Variants in KIFC3 observed in about 807,000 individuals in gnomAD.
KIFC3 encodes the protein kinesin-like protein KIFC3.
A neutral mutation model predicts 101.8 loss-of-function variants in KIFC3; 60 were observed. The observed-to-expected ratio is 0.59, with a 90% CI of 0.48 to 0.73. The LOEUF (loss-of-function observed/expected upper bound fraction) is 0.73. Ranked by LOEUF, KIFC3 falls within the 30% of genes least tolerant of loss-of-function variation. KIFC3 has a pLI of 0.00. For synonymous variants in KIFC3, 476 were observed against 482.7 expected, an observed-to-expected ratio of 0.99 and a Z score of 0.18; for missense variants, 966 against 1,137.1, an observed-to-expected ratio of 0.85 and a Z score of 2.16.
chr16:57,803,732 A>G (rs2054862433), upstream of KIFC3, among the ~76,000 whole-genome samples: 3 of 152,234 alleles, frequency 2.0e-5, no homozygotes, highest in South Asian at 6.2e-4. Context: ...TCCTCAGTGA[A>G]GGCCTGATAG....
At chr16:57,770,847 GC>G (rs1411548768) in intron 6 of KIFC3, 147 bp from the exon 7 acceptor site, 1 of 732,940 alleles carries the variant, frequency 1.4e-6, no homozygotes, top group East Asian at 2.9e-5. Context: ...TGAGGTCCTG[GC>G]TTTCCAGAAA....
intron 1 of KIFC3, among the ~76,000 whole-genome samples, chr16:57,837,255 C>G (rs2055704634): frequency 6.6e-6 from 1 of 151,918 alleles, no homozygotes; most frequent in Non-Finnish European, 1.5e-5. Flanking sequence ...ATTGCTTGAG[C>G]CTAGGAGTTT....
chr16:57,802,480 G>A lies in KIFC3; in HGVS notation c.-150C>T, dbSNP rs2054804829. The A allele has an allele frequency of 6.1e-6, 6 of 983,222 alleles. No homozygotes were observed. The highest frequency in any genetic ancestry group is 7.2e-6 in the Non-Finnish European group (6 of 829,168). The allele number at this position is 983,222 out of a possible 1,614,324, so 60.9% of individuals were successfully genotyped here. ...CCGCCGCCTCCTCCTCGGCCAGCCC[G>A]CTCGCGCCCCTCCCGCACACTTTCC... On this transcript the variant is annotated 5_prime_UTR_variant, in exon 1 of 20. Coordinates refer to ENST00000445690, the MANE Select transcript of KIFC3 (RefSeq NM_001130100.2). The surrounding 1 kb of genome is among the most constrained non-coding windows in gnomAD (Gnocchi z 5.0).
At chr16:57,759,023 G>T in intron 19 of KIFC3, 102 bp downstream of exon 19, 1 of 1,533,086 alleles carries the variant, frequency 6.5e-7, no homozygotes. Context: ...AGCGACAGCA[G>T]GGGCTAGACC....
intron 3 of KIFC3, chr16:57,775,772 G>A: frequency 2.0e-6 from 2 of 985,688 alleles, no homozygotes; most frequent in Non-Finnish European, 2.4e-6. Context: ...GGACGGAGGA[G>A]AAAGCAGACT....
intron 17 of KIFC3, 114 bp from the exon 18 acceptor site, chr16:57,759,950 C>T (rs565872496): frequency 1.4e-4 from 104 of 725,000 alleles, no homozygotes; most frequent in Non-Finnish European, 1.9e-4. Flanking sequence ...TCCTCATCTG[C>T]AAAATGGGCA....
At position 57,758,841 on chromosome 16, in the gene KIFC3, G is replaced by A. The variant is rs2049437033; in HGVS notation, c.*93C>T. The stretch of plus-strand genomic sequence containing the variant: ...GGGTCCTGGCGCTGCAGCAGGGACA[G>A]GCCAGTGAGGGCCCAGCTTCAGGCC... On this transcript the variant is annotated 3_prime_UTR_variant, in exon 20 of 20. Transcript: ENST00000445690. 1.2e-6 allele frequency: 2 copies of A among 1,608,800 alleles called. No homozygotes were observed. Among genetic ancestry groups the A allele is most frequent in the Non-Finnish European group, 1.7e-6 (2 of 1,177,660 alleles).
In KIFC3 at chr16:57,802,289, C is replaced by T. The variant is rs1372034126; in HGVS notation, c.-40+81G>A. 16 of 768,204 alleles carry T rather than the reference C, an allele frequency of 2.1e-5. 1 individual carries two copies. The highest frequency in any genetic ancestry group is 2.4e-5 in the Non-Finnish European group (15 of 631,598). The allele number at this position is 768,204 out of a possible 1,614,324, so 47.6% of individuals were successfully genotyped here. A position where few individuals can be genotyped will look rare whatever the true frequency, so the allele number is the denominator to read the frequency against. On this transcript the variant is annotated intron_variant, in intron 1 of 19. Coordinates refer to ENST00000445690, the MANE Select transcript of KIFC3 (RefSeq NM_001130100.2). The surrounding 1 kb of genome is among the most constrained non-coding windows in gnomAD (Gnocchi z 5.0). ...GAGGGGTCCCGAGGGCAGGGCCGGCCCGGACGCGGCGCCCCAAACGGCGGG... is the reference window on the plus strand; with the variant it reads ...GAGGGGTCCCGAGGGCAGGGCCGGCTCGGACGCGGCGCCCCAAACGGCGGG...
chr16:57,808,106 A>G (rs2054984251), upstream of KIFC3, among the ~76,000 whole-genome samples: 1 of 152,168 alleles, frequency 6.6e-6, no homozygotes, highest in Non-Finnish European at 1.5e-5. Context: ...TTATGACTCA[A>G]GGAGGAATTT....
intron 1 of KIFC3, among the ~76,000 whole-genome samples, chr16:57,858,351 C>T (rs906218068): frequency 1.3e-5 from 2 of 152,150 alleles, no homozygotes; most frequent in Non-Finnish European, 2.9e-5. Context: ...TTCCCCGGAA[C>T]ACAGAAATAG....
At chr16:57,761,686 A>G in intron 13 of KIFC3, 150 bp from the exon 14 acceptor site, 2 of 836,082 alleles carry the variant, frequency 2.4e-6, no homozygotes, top group African/African-American at 1.7e-5. Flanking sequence ...CAGCTCCTCC[A>G]CCGCATTCAG....
chr16:57,806,199 A>T (rs1005530853), upstream of KIFC3, among the ~76,000 whole-genome samples: 37 of 152,218 alleles, frequency 2.4e-4, 1 homozygote, highest in Non-Finnish European at 5.9e-5. Context: ...AGAGTAAAGC[A>T]CAGATAAGAT....
chr16:57,844,607 C>T (rs1314082823), intron 1 of KIFC3, among the ~76,000 whole-genome samples: 2 of 152,030 alleles, frequency 1.3e-5, no homozygotes, highest in Non-Finnish European at 2.9e-5. Flanking sequence ...CAGTGCCAGC[C>T]GGGGGCCTCC....
chr16:57,761,308 G>A (rs1555597255), intron 14 of KIFC3, 105 bp downstream of exon 14: 1 of 1,573,468 alleles, frequency 6.4e-7, no homozygotes, highest in Non-Finnish European at 8.6e-7. Flanking sequence ...GAGGCGTGCG[G>A]ACTTGCCCAA....
upstream of KIFC3, among the ~76,000 whole-genome samples, chr16:57,806,026 A>AC (rs1555626850): frequency 6.6e-6 from 1 of 152,148 alleles, no homozygotes; most frequent in Non-Finnish European, 1.5e-5. Flanking sequence ...AGCATGAGCC[A>AC]CCACACCTGA....
intron 1 of KIFC3, among the ~76,000 whole-genome samples, chr16:57,835,462 A>ATT (rs1325166640): frequency 6.6e-6 from 1 of 152,228 alleles, no homozygotes; most frequent in African/African-American, 2.4e-5. Context: ...AGTGACCAAT[A>ATT]TTAATATAAT....
intron 1 of KIFC3, among the ~76,000 whole-genome samples, chr16:57,819,018 G>T (rs149604841): frequency 6.6e-6 from 1 of 152,184 alleles, no homozygotes; most frequent in African/African-American, 2.4e-5. Flanking sequence ...GGAGACAGTA[G>T]CAGGTGTGGC....
chr16:57,794,566 G>A (rs2054145426), intron 3 of KIFC3, among the ~76,000 whole-genome samples: 1 of 152,206 alleles, frequency 6.6e-6, no homozygotes, highest in Non-Finnish European at 1.5e-5. Context: ...TAACTGCAAG[G>A]GAGAAGACCC....
chr16:57,771,756 C>T (rs1555608829), intron 4 of KIFC3, 70 bp from the exon 5 acceptor site: 20 of 1,527,262 alleles, frequency 1.3e-5, no homozygotes, highest in East Asian at 2.4e-5. Context: ...GAGAGGCCCG[C>T]GGAGATGGCA....
Sources: allele counts gnomAD v4.1 joint callset (sites outside exome capture counted in the v4.1 genomes callset), GRCh38; gene constraint gnomAD v4.1.1; non-coding constraint Gnocchi (gnomAD v3.1); transcripts MANE v1.5; gene names NCBI Gene and HGNC (gene_info 2026-07-23, HGNC 2026-07-21).